Variants in RALGAPB observed in about 807,000 individuals in gnomAD.
The protein encoded by RALGAPB is Ral GTPase activating protein non-catalytic subunit beta.
In RALGAPB, 25 loss-of-function variants were observed where a neutral mutation model predicts 161.1. The observed-to-expected ratio is 0.16, with a 90% CI of 0.11 to 0.22. RALGAPB has a LOEUF of 0.22. Among genes scored for constraint, RALGAPB ranks in the 10% least tolerant of loss-of-function variants. The pLI, the probability that RALGAPB is intolerant of heterozygous loss-of-function variation, is 1.00. For missense variants in RALGAPB, 1,391 were observed against 1,815.2 expected, an observed-to-expected ratio of 0.77 and a Z score of 4.25; for synonymous variants, 629 against 626.1, an observed-to-expected ratio of 1.00 and a Z score of -0.07.
chr20:38,539,637 G>A lies in RALGAPB; in HGVS notation c.2380-139G>A, dbSNP rs1226055449. ...AATACATCTGAAATAATCTGTTCCT[G>A]TATATAAATAATATAAAAAAGCAAG... On this transcript the variant is annotated intron_variant, in intron 16 of 29. Transcript: ENST00000262879. 9 of 689,398 alleles carry A rather than the reference G, an allele frequency of 1.3e-5. No individual in the cohort carries two copies. The Admixed American group carries it at 2.1e-4, about 16-fold the overall frequency. The allele number at this position is 689,398 out of a possible 1,614,324, so 42.7% of individuals were successfully genotyped here. A position where few individuals can be genotyped will look rare whatever the true frequency, so the allele number is the denominator to read the frequency against.
chr20:38,505,144 C>T lies in RALGAPB; in HGVS notation c.741-3933C>T, dbSNP rs375391870. Among the ~76,000 whole-genome samples, 26 of 152,246 alleles carry T rather than the reference C, an allele frequency of 1.7e-4. No homozygotes were observed. The East Asian group carries it at 2.9e-3, about 17-fold the overall frequency. On this transcript the variant is annotated intron_variant, in intron 5 of 29. Coordinates refer to ENST00000262879, the MANE Select transcript of RALGAPB (RefSeq NM_020336.4). ...ACATGCACTTTTATATATTGCAGCA[C>T]GATTCACAATAGCAAAGACATGGAA...
intron 5 of RALGAPB, 92 bp from the exon 6 acceptor site, chr20:38,508,985 G>A: frequency 5.7e-6 from 8 of 1,394,748 alleles, no homozygotes; most frequent in African/African-American, 1.4e-5. Flanking sequence ...AGGTACACAT[G>A]TTTCATCCAT....
At chr20:38,513,524 C>T (rs539028883) in intron 6 of RALGAPB, among the ~76,000 whole-genome samples, 3 of 151,886 alleles carry the variant, frequency 2.0e-5, no homozygotes, top group Non-Finnish European at 4.4e-5. Context: ...TAGTGGTGCA[C>T]CTGTAATCCT....
intron 14 of RALGAPB, 114 bp downstream of exon 14, chr20:38,531,345 C>A: frequency 3.5e-6 from 3 of 846,848 alleles, no homozygotes; most frequent in South Asian, 1.6e-5. Context: ...GTAAATCCTG[C>A]TCATTGGCTC....
At chr20:38,558,525 G>A in intron 23 of RALGAPB, 72 bp downstream of exon 23, 1 of 1,303,314 alleles carries the variant, frequency 7.7e-7, no homozygotes, top group Admixed American at 2.6e-5. Context: ...AAAAAATTGA[G>A]GCAAAATTAA....
chr20:38,569,927 C>T lies in RALGAPB; in HGVS notation c.3994C>T (p.Arg1332Cys), dbSNP rs2088167020. The change falls in exon 27 of 30, where the codon CGC becomes TGC. Residue 1332 changes from arginine (R) to cysteine (C), a missense_variant. By Grantham distance (180) the Arg-to-Cys change is radical. Coordinates refer to ENST00000262879, the MANE Select transcript of RALGAPB (RefSeq NM_020336.4). ...CAGAATGAGGAAGCTGCCTCAGGGT[C>T]GCCCTGTTCCTCCCCTTGGACCTGA... Reference protein sequence around the residue: ...SSRMRKLPQGRPVPPLGPETR... With the variant: ...SSRMRKLPQGCPVPPLGPETR... 17 of 1,613,398 alleles carry T rather than the reference C, an allele frequency of 1.1e-5. No individual in the cohort carries two copies. The highest frequency in any genetic ancestry group is 6.7e-5 in the East Asian group (3 of 44,894).
In RALGAPB at chr20:38,517,986, A is replaced by G. The variant is rs370525778; in HGVS notation, c.1403A>G (p.Asp468Gly). The change falls in exon 9 of 30, where the codon GAC (aspartate) becomes GGC (glycine). Residue 468 changes from aspartate (D) to glycine (G), a missense_variant. Around this residue, in one of 3 missense-constraint regions of RALGAPB, gnomAD observed 946 missense variants for 1,257.2 expected, o/e 0.75. Coordinates refer to ENST00000262879, the MANE Select transcript of RALGAPB (RefSeq NM_020336.4). ...AAACTTCATAATGGGATAAACAGAG[A>G]CAGCAGCATGACTGGTAAATATTAC... ...HCKLHNGINRDSSMTAITTQA... is the reference protein window; with the variant it reads ...HCKLHNGINRGSSMTAITTQA... 2 of 1,606,602 alleles carry G rather than the reference A, an allele frequency of 1.2e-6. No individual in the cohort carries two copies. Among genetic ancestry groups the G allele is most frequent in the Non-Finnish European group, 1.7e-6 (2 of 1,173,090 alleles).
intron 23 of RALGAPB, 134 bp from the exon 24 acceptor site, chr20:38,562,398 A>T: frequency 1.3e-6 from 1 of 775,446 alleles, no homozygotes; most frequent in African/African-American, 1.8e-5. Context: ...CTCTATAGTG[A>T]TATATCCTCA....
rs757706311 is a variant in RALGAPB, at chr20:38,516,267, C to T, written c.948C>T (p.Ser316=). Residue 316 remains serine (S), a synonymous_variant, in exon 7 of 30, where the codon AGC becomes AGT. Transcript: ENST00000262879. ...PKFQEQFLNV[S]GMPQELNQYP... is the part of the protein sequence containing the mutation. ...TTCAGGAACAGTTCTTGAATGTGAG[C>T]GGAATGCCGCAAGAATTGAATCAGT... 3.2e-5 allele frequency: 52 copies of T among 1,613,200 alleles called. 1 individual carries two copies. The highest frequency in any genetic ancestry group is 2.2e-4 in the Admixed American group (13 of 59,946).
At position 38,546,175 on chromosome 20, in the gene RALGAPB, A is replaced by C. The variant is rs1427736624; in HGVS notation, c.2715-68A>C. 6 of 1,603,550 alleles carry C rather than the reference A, an allele frequency of 3.7e-6. No homozygotes were observed. In the African/African-American group the frequency reaches 6.7e-5, roughly 18 times the overall value. On this transcript the variant is annotated intron_variant, in intron 18 of 29. Coordinates refer to ENST00000262879, the MANE Select transcript of RALGAPB (RefSeq NM_020336.4). ...AATTCAGAAGAGTGGAAGGGGACAC[A>C]TTGATGCACAAGGTAAACTGAAGAT...
chr20:38,569,660 C>CTTTTTTTTTTTTTTTTTT, intron 26 of RALGAPB: 1 of 461,850 alleles, frequency 2.2e-6, no homozygotes, highest in Non-Finnish European at 3.9e-6. Context: ...GTATTCCTTC[C>CTTTTTTTTTTTTTTTTTT]TTTTTTTTTC....
intron 20 of RALGAPB, among the ~76,000 whole-genome samples, chr20:38,549,533 TAAAAAAAA>T (rs66699514): frequency 7.2e-6 from 1 of 138,596 alleles, no homozygotes. Flanking sequence ...CCAGCCTAAT[TAAAAAAAA>T]AAAAAAAAAT....
At chr20:38,507,250 A>T (rs1457967157) in intron 5 of RALGAPB, among the ~76,000 whole-genome samples, 10 of 152,076 alleles carry the variant, frequency 6.6e-5, no homozygotes, top group Non-Finnish European at 1.5e-4. Flanking sequence ...GATTCTTGTC[A>T]CTTTAGTTAC....
At chr20:38,484,831 G>T (rs1206121038) in intron 1 of RALGAPB, among the ~76,000 whole-genome samples, 4 of 152,162 alleles carry the variant, frequency 2.6e-5, no homozygotes, top group Non-Finnish European at 5.9e-5. Flanking sequence ...GAGTAGCTGG[G>T]ATTACAGGCA....
At chr20:38,574,341 C>T (rs774312073) in intron 29 of RALGAPB, 43 bp downstream of exon 29, 1 of 1,542,568 alleles carries the variant, frequency 6.5e-7, no homozygotes, top group Non-Finnish European at 8.7e-7. Context: ...TTTTCTTTTT[C>T]TTTATCATTT....
intron 13 of RALGAPB, among the ~76,000 whole-genome samples, chr20:38,527,074 G>T (rs1036492660): frequency 1.6e-4 from 25 of 152,048 alleles, no homozygotes; most frequent in African/African-American, 5.6e-4. Context: ...AACCTGGGTG[G>T]CAGTTAGAAC....
intron 16 of RALGAPB, among the ~76,000 whole-genome samples, chr20:38,536,345 G>A (rs2086803535): frequency 6.6e-6 from 1 of 152,146 alleles, no homozygotes; most frequent in South Asian, 2.1e-4. Context: ...TTCATTGTGT[G>A]TATATACCCC....
Position 38,473,035 on chromosome 20 carries a change from C to G in RALGAPB, c.-65C>G, listed in dbSNP as rs1196916277. The G allele has an allele frequency of 5.2e-6, 2 of 387,352 alleles. No homozygotes were observed. Among genetic ancestry groups the G allele is most frequent in the Non-Finnish European group, 9.1e-6 (2 of 218,724 alleles). The allele number at this position is 387,352 out of a possible 1,614,324, so 24.0% of individuals were successfully genotyped here. On this transcript the variant is annotated 5_prime_UTR_variant, in exon 1 of 30. Transcript: ENST00000262879. ...GCCGAGGACGGCCGGCGGCGGCGCC[C>G]GCCCCGGCGATGCGGGCCCCGCCCG... is the stretch of plus-strand genomic sequence containing the variant.
intron 10 of RALGAPB, among the ~76,000 whole-genome samples, chr20:38,522,533 T>C (rs1366992385): frequency 6.6e-6 from 1 of 152,202 alleles, no homozygotes; most frequent in Non-Finnish European, 1.5e-5. Flanking sequence ...CTCCCGTTCT[T>C]CTTGACACTG....
Sources: allele counts gnomAD v4.1 joint callset (sites outside exome capture counted in the v4.1 genomes callset), GRCh38; gene constraint gnomAD v4.1.1; regional missense constraint gnomAD v4.1.1; transcripts MANE v1.5; gene names NCBI Gene and HGNC (gene_info 2026-07-23, HGNC 2026-07-21).